The following NCALD variants were observed in gnomAD, a reference collection of about 807,000 sequenced individuals.
NCALD encodes the protein neurocalcin delta, also known as neurocalcin-delta.
NCALD carries 10 observed loss-of-function variants against 18.6 expected under a neutral mutation model. The ratio of observed to expected loss-of-function variants is 0.54; its 90% CI spans 0.33 to 0.91. The LOEUF (loss-of-function observed/expected upper bound fraction) is 0.91, where lower values mean the gene tolerates loss of function less well. Among genes scored for constraint, NCALD ranks in the 40% least tolerant of loss-of-function variants. The pLI is 0.03. For synonymous variants in NCALD, 88 were observed against 87.4 expected (o/e 1.01, Z -0.04); for missense variants, 184 against 247.6 (o/e 0.74, Z 1.72).
chr8:101,732,306 G>A (rs567234808), intron 1 of NCALD, among the ~76,000 whole-genome samples: 50 of 152,264 alleles, frequency 3.3e-4, no homozygotes, highest in African/African-American at 9.9e-4. Flanking sequence ...TGGTGATCCA[G>A]GGCTCATCAC....
chr8:101,905,132 A>G (rs1161481287), intron 3 of NCALD, among the ~76,000 whole-genome samples: 3 of 152,096 alleles, frequency 2.0e-5, no homozygotes, highest in Non-Finnish European at 4.4e-5. Context: ...TAATCTGACA[A>G]TCCTACCACA....
chr8:101,892,476 G>A (rs867626521), intron 3 of NCALD, among the ~76,000 whole-genome samples: 2 of 149,626 alleles, frequency 1.3e-5, no homozygotes, highest in Middle Eastern at 3.4e-3. Flanking sequence ...CCAAAGGAAC[G>A]CAGTTCCTCA....
chr8:101,824,479 ATT>A (rs199579036), intron 4 of NCALD, among the ~76,000 whole-genome samples: 1 of 147,368 alleles, frequency 6.8e-6, no homozygotes, highest in Admixed American at 6.8e-5. Context: ...ATTTTATTTT[ATT>A]TTTTTTTTTG....
At chr8:101,701,172 C>T (rs1402735969) in intron 2 of NCALD, among the ~76,000 whole-genome samples, 2 of 152,168 alleles carry the variant, frequency 1.3e-5, no homozygotes, top group Non-Finnish European at 2.9e-5. Flanking sequence ...ACGGCATCAA[C>T]AACCGAGAGC....
chr8:101,826,641 TTAAG>T (rs1486442436), intron 4 of NCALD, among the ~76,000 whole-genome samples: 2 of 152,220 alleles, frequency 1.3e-5, no homozygotes, highest in African/African-American at 2.4e-5. Flanking sequence ...TTTTTAACCA[TTAAG>T]TAAGTAAAAT....
intron 2 of NCALD, among the ~76,000 whole-genome samples, chr8:101,977,545 T>C (rs1339748062): frequency 6.6e-6 from 1 of 152,224 alleles, no homozygotes; most frequent in Non-Finnish European, 1.5e-5. Flanking sequence ...AAACTTGTTA[T>C]TAACATGGGG....
chr8:102,053,890 C>T (rs749420095), intron 1 of NCALD, among the ~76,000 whole-genome samples: 2 of 152,172 alleles, frequency 1.3e-5, no homozygotes, highest in African/African-American at 4.8e-5. Context: ...AAATCGAATG[C>T]TCTCCCAGTT....
intron 1 of NCALD, among the ~76,000 whole-genome samples, chr8:101,782,967 A>G (rs1812077431): frequency 6.6e-6 from 1 of 152,072 alleles, no homozygotes. Flanking sequence ...GTCCTATATT[A>G]CTCATGCAGT....
At chr8:101,750,338 G>A (rs1810603280) in intron 1 of NCALD, among the ~76,000 whole-genome samples, 1 of 152,184 alleles carries the variant, frequency 6.6e-6, no homozygotes, top group African/African-American at 2.4e-5. Flanking sequence ...AAGGGTGGAA[G>A]AGGCCGCATC....
chr8:101,799,198 T>A (rs552603659), intron 4 of NCALD, among the ~76,000 whole-genome samples: 148 of 151,954 alleles, frequency 9.7e-4, no homozygotes, highest in African/African-American at 3.5e-3. Context: ...TAAAAAAAAA[T>A]TTTCAACATC....
Position 101,905,413 on chromosome 8 carries a change from A to G in NCALD, c.-107+10396T>C, listed in dbSNP as rs78149331. On this transcript the variant is annotated intron_variant, in intron 3 of 6. Coordinates refer to the NCALD transcript ENST00000311028. ...CCAGCCTCCCAATCACTTCAACTCC[A>G]AAGTCAGGAGGCCGACCTCAGCAAG... 3.9e-3 allele frequency among the ~76,000 whole-genome samples: 594 copies of G among 152,032 alleles called. 16 individuals are homozygous for G. In the East Asian group the frequency reaches 0.088, roughly 22 times the overall value.
chr8:101,779,326 A>T lies in NCALD; in HGVS notation c.-20+11536T>A, dbSNP rs185247174. Among the ~76,000 whole-genome samples the T allele has an allele frequency of 2.3e-3, 355 of 152,286 alleles. 4 individuals are homozygous for T. Among genetic ancestry groups the T allele is most frequent in the African/African-American group, 8.1e-3 (338 of 41,558 alleles). ...TAGCACAGAGGGCTTAGTAGAGAGC[A>T]TCTTCAATAAGAAAGAGGTTACCAT... On this transcript the variant is annotated intron_variant, in intron 1 of 3. Coordinates refer to ENST00000220931, the MANE Select transcript of NCALD (RefSeq NM_032041.3).
At chr8:102,016,646 A>G (rs924557490) in intron 2 of NCALD, among the ~76,000 whole-genome samples, 1 of 152,186 alleles carries the variant, frequency 6.6e-6, no homozygotes, top group Admixed American at 6.5e-5. Flanking sequence ...CAAACTCAAT[A>G]CTAATTACCA....
chr8:101,819,616 C>T (rs911252449), intron 4 of NCALD, among the ~76,000 whole-genome samples: 6 of 152,074 alleles, frequency 3.9e-5, no homozygotes, highest in African/African-American at 1.4e-4. Context: ...TTGGGTTTTG[C>T]CAGAATTGTT....
intron 2 of NCALD, among the ~76,000 whole-genome samples, chr8:102,003,285 AT>A (rs1274343918): frequency 6.6e-6 from 1 of 152,260 alleles, no homozygotes; most frequent in African/African-American, 2.4e-5. Flanking sequence ...TCTGGAAGAA[AT>A]GGATAAATTC....
chr8:101,714,813 G>C (rs1357834505), intron 2 of NCALD, among the ~76,000 whole-genome samples: 1 of 150,818 alleles, frequency 6.6e-6, no homozygotes, highest in East Asian at 2.0e-4. Flanking sequence ...TGGCTAACAA[G>C]GTGAAACCCC....
chr8:102,041,261 C>T (rs1823041082), intron 1 of NCALD, among the ~76,000 whole-genome samples: 1 of 152,184 alleles, frequency 6.6e-6, no homozygotes, highest in Non-Finnish European at 1.5e-5. Flanking sequence ...AAAAGTCACT[C>T]CTCCTCAACA....
At chr8:101,736,891 C>A (rs1460844372) in intron 1 of NCALD, among the ~76,000 whole-genome samples, 1 of 152,114 alleles carries the variant, frequency 6.6e-6, no homozygotes, top group African/African-American at 2.4e-5. Flanking sequence ...AAATTGGATG[C>A]CACTGAGAAG....
At chr8:102,114,994 G>A (rs577616002) in intron 1 of NCALD, among the ~76,000 whole-genome samples, 11 of 152,354 alleles carry the variant, frequency 7.2e-5, no homozygotes, top group African/African-American at 1.9e-4. Flanking sequence ...AGTTTCATGA[G>A]CATGTGACCT....
Sources: allele counts gnomAD v4.1 joint callset (sites outside exome capture counted in the v4.1 genomes callset), GRCh38; gene constraint gnomAD v4.1.1; transcripts MANE v1.5; gene names NCBI Gene and HGNC (gene_info 2026-07-23, HGNC 2026-07-21).